XRCC4: variants seen among roughly 807,000 people sequenced by gnomAD.
XRCC4 encodes DNA repair protein XRCC4.
Under a neutral mutation model 39.1 loss-of-function variants are expected in XRCC4, and 28 were observed. The ratio of observed to expected loss-of-function variants is 0.72; its 90% CI spans 0.53 to 0.98. The LOEUF is 0.98. XRCC4 is among the 50% of genes least tolerant of loss of function. XRCC4 has a pLI of 0.00. For missense variants in XRCC4, 350 were observed against 376.4 expected, an observed-to-expected ratio of 0.93 and a Z score of 0.58; for synonymous variants, 123 against 126.4, an observed-to-expected ratio of 0.97 and a Z score of 0.18.
intron 1 of XRCC4, among the ~76,000 whole-genome samples, chr5:83,098,771 AT>A (rs1285523253): frequency 4.6e-5 from 7 of 152,148 alleles, no homozygotes; most frequent in African/African-American, 1.7e-4. Context: ...AGTAAAAAAA[AT>A]CTTTAATGTG....
At chr5:83,091,222 G>T (rs1745410804) in intron 1 of XRCC4, among the ~76,000 whole-genome samples, 1 of 152,132 alleles carries the variant, frequency 6.6e-6, no homozygotes, top group South Asian at 2.1e-4. Context: ...AGGTTTAATT[G>T]ACCCACAGTT....
At chr5:83,203,420 A>G (rs763996737) in intron 4 of XRCC4, 132 bp from the exon 5 acceptor site, 1 of 692,832 alleles carries the variant, frequency 1.4e-6, no homozygotes, top group Non-Finnish European at 2.2e-6. Context: ...TAAAACTTCC[A>G]AGTCAGTGAA....
At chr5:83,205,866 G>A (rs1295586079) in intron 6 of XRCC4, among the ~76,000 whole-genome samples, 2 of 151,996 alleles carry the variant, frequency 1.3e-5, no homozygotes, top group African/African-American at 4.8e-5. Flanking sequence ...AGGCCTCAGT[G>A]AGAAGGTGAA....
At chr5:83,171,734 T>A (rs1749736391) in intron 3 of XRCC4, among the ~76,000 whole-genome samples, 2 of 152,170 alleles carry the variant, frequency 1.3e-5, no homozygotes, top group Admixed American at 1.3e-4. Flanking sequence ...CATTCATGAT[T>A]TTTTTCTAAC....
Position 83,330,130 on chromosome 5 carries a change from A to G in XRCC4, c.894-23001A>G, listed in dbSNP as rs964989672. On this transcript the variant is annotated intron_variant, in intron 7 of 7. Coordinates refer to ENST00000396027, the MANE Select transcript of XRCC4 (RefSeq NM_003401.5). Reference sequence around the variant, plus strand: ...GGGAATTTTTTAATTCTACAAAAAGATATAATTTTAATCATTTTGGCAAAT... The same window carrying G: ...GGGAATTTTTTAATTCTACAAAAAGGTATAATTTTAATCATTTTGGCAAAT... Among the ~76,000 whole-genome samples the G allele has an allele frequency of 4.1e-4, 63 of 152,084 alleles. 1 individual carries two copies. Among genetic ancestry groups the G allele is most frequent in the Admixed American group, 4.0e-3 (61 of 15,238 alleles).
intron 1 of XRCC4, among the ~76,000 whole-genome samples, chr5:83,078,521 G>A (rs763431683): frequency 3.3e-5 from 5 of 152,178 alleles, no homozygotes; most frequent in Non-Finnish European, 5.9e-5. Context: ...TTTATGAACT[G>A]TATTCGGCCT....
intron 3 of XRCC4, among the ~76,000 whole-genome samples, chr5:83,159,315 T>A (rs558943773): frequency 6.6e-6 from 1 of 152,236 alleles, no homozygotes; most frequent in African/African-American, 2.4e-5. Flanking sequence ...CTGTTAGTCA[T>A]TGAGATGGGG....
intron 3 of XRCC4, among the ~76,000 whole-genome samples, chr5:83,189,819 C>G (rs898185339): frequency 1.4e-4 from 21 of 152,136 alleles, no homozygotes; most frequent in African/African-American, 4.8e-4. Flanking sequence ...AATCTCAGCA[C>G]TTTGGGAGGC....
chr5:83,115,808 T>C (rs1402080926), intron 3 of XRCC4, among the ~76,000 whole-genome samples: 1 of 152,230 alleles, frequency 6.6e-6, no homozygotes, highest in Admixed American at 6.5e-5. Flanking sequence ...AAGCACTACA[T>C]TGCAGTCTAA....
intron 7 of XRCC4, among the ~76,000 whole-genome samples, chr5:83,328,812 T>C (rs1337881767): frequency 6.6e-6 from 1 of 152,086 alleles, no homozygotes; most frequent in African/African-American, 2.4e-5. Context: ...AAGGAAAGAA[T>C]GGAGCAAGAT....
chr5:83,220,188 T>C (rs28360167), intron 6 of XRCC4, among the ~76,000 whole-genome samples: 291 of 152,262 alleles, frequency 1.9e-3, no homozygotes, highest in African/African-American at 6.6e-3. Flanking sequence ...GACTTAAGAA[T>C]GCGTGGATCA....
intron 7 of XRCC4, among the ~76,000 whole-genome samples, chr5:83,342,493 C>T (rs1362046096): frequency 2.0e-5 from 3 of 152,234 alleles, no homozygotes; most frequent in East Asian, 3.9e-4. Flanking sequence ...TCTTCCTGCT[C>T]TTGATGAATT....
chr5:83,242,083 A>AT (rs1238067872), intron 6 of XRCC4, among the ~76,000 whole-genome samples: 20 of 12,470 alleles, frequency 1.6e-3, no homozygotes, highest in South Asian at 0.016. Flanking sequence ...TGTAACTTTT[A>AT]TTTAAAAAAA....
chr5:83,329,073 C>G (rs1756356176), intron 7 of XRCC4, among the ~76,000 whole-genome samples: 1 of 152,016 alleles, frequency 6.6e-6, no homozygotes, highest in Admixed American at 6.6e-5. Context: ...CTGCACCCAG[C>G]AAGTTGATTT....
Position 83,222,076 on chromosome 5 carries a change from C to T in XRCC4, c.745+17155C>T, listed in dbSNP as rs28360179. Among the ~76,000 whole-genome samples, 529 of 151,662 alleles carry T rather than the reference C, an allele frequency of 3.5e-3. 3 individuals are homozygous for T. The highest frequency in any genetic ancestry group is 0.012 in the African/African-American group (512 of 41,418). On this transcript the variant is annotated intron_variant, in intron 6 of 7. Coordinates refer to ENST00000396027, the MANE Select transcript of XRCC4 (RefSeq NM_003401.5). ...TTTCAATCTTTTATATATCTGAGATCGGTCTTTGTGTCAACATCATATAGT... is the reference window on the plus strand; with the variant it reads ...TTTCAATCTTTTATATATCTGAGATTGGTCTTTGTGTCAACATCATATAGT...
intron 1 of XRCC4, among the ~76,000 whole-genome samples, chr5:83,081,989 T>A (rs1044355833): frequency 6.6e-6 from 1 of 152,246 alleles, no homozygotes; most frequent in Non-Finnish European, 1.5e-5. Context: ...TTTGGAGTCA[T>A]CCTTGACTCC....
intron 1 of XRCC4, among the ~76,000 whole-genome samples, chr5:83,086,870 A>G (rs1299930391): frequency 6.6e-6 from 1 of 152,178 alleles, no homozygotes; most frequent in East Asian, 1.9e-4. Context: ...TTAGATATTA[A>G]ATCAGACATA....
intron 7 of XRCC4, among the ~76,000 whole-genome samples, chr5:83,291,477 A>C (rs1341632856): frequency 1.3e-5 from 2 of 151,874 alleles, no homozygotes; most frequent in Non-Finnish European, 2.9e-5. Context: ...GAACAATGAA[A>C]AAAATAGTAG....
chr5:83,244,935 A>G (rs1753046295), intron 6 of XRCC4, among the ~76,000 whole-genome samples: 1 of 152,212 alleles, frequency 6.6e-6, no homozygotes, highest in Non-Finnish European at 1.5e-5. Context: ...TTTTGCTGAA[A>G]TCAGTTTTAT....
Sources: allele counts gnomAD v4.1 joint callset (sites outside exome capture counted in the v4.1 genomes callset), GRCh38; gene constraint gnomAD v4.1.1; transcripts MANE v1.5; gene names NCBI Gene and HGNC (gene_info 2026-07-23, HGNC 2026-07-21).